NDOR1: variants seen among roughly 807,000 people sequenced by gnomAD.
The protein encoded by NDOR1 is NADPH dependent diflavin oxidoreductase 1.
NDOR1 carries 61 observed loss-of-function variants against 67.2 expected under a neutral mutation model. The observed-to-expected ratio is 0.91, with a 90% confidence interval of 0.74 to 1.12. The LOEUF (loss-of-function observed/expected upper bound fraction) is 1.12. Ranked by LOEUF, NDOR1 falls within the 50% of genes most tolerant of loss-of-function variation. NDOR1 has a pLI of 0.00. For synonymous variants in NDOR1, 378 were observed against 343.7 expected, an observed-to-expected ratio of 1.10 and a Z score of -1.10; for missense variants, 878 against 802.8, an observed-to-expected ratio of 1.09 and a Z score of -1.13.
rs975959019 is a variant in NDOR1, at chr9:137,217,931, G to A, written c.*1515G>A. 7.5e-6 allele frequency: 3 copies of A among 398,540 alleles called. No individual in the cohort carries two copies. In the South Asian group the frequency reaches 3.8e-4, roughly 51 times the overall value. 24.7% of individuals were successfully genotyped at this position (398,540 alleles called of 1,614,324 possible). On this transcript the variant is annotated 3_prime_UTR_variant, in exon 14 of 14. Coordinates refer to ENST00000684003, the MANE Select transcript of NDOR1 (RefSeq NM_014434.4). Reference sequence around the variant, plus strand: ...GTGCCAAGCACCAGCAAGCAAAGGGGATGACCTTGGGCACCCCCAAGGTGC... The same window carrying A: ...GTGCCAAGCACCAGCAAGCAAAGGGAATGACCTTGGGCACCCCCAAGGTGC...
chr9:137,207,008 T>G (rs111623168), intron 2 of NDOR1, among the ~76,000 whole-genome samples: 137 of 151,462 alleles, frequency 9.0e-4, no homozygotes, highest in African/African-American at 3.1e-3. Flanking sequence ...AGCTGAGGAG[T>G]ACACTGGGGC....
chr9:137,213,788 T>G lies in NDOR1; in HGVS notation c.320T>G (p.Phe107Cys), dbSNP rs1303778939. The change falls in exon 4 of 14, where the codon TTC (phenylalanine) becomes TGC (cysteine). Residue 107 changes from phenylalanine to cysteine, a missense_variant. Phe to Cys is a radical substitution (Grantham distance 205, BLOSUM62 -2). Coordinates refer to ENST00000684003, the MANE Select transcript of NDOR1 (RefSeq NM_014434.4). ...LGDSSYAKFN[F>C]VAKKLHRRLL... ...CCTCACTGTCTCCACAGGTTCAACT[T>G]CGTGGCCAAGAAGCTGCACCGACGG... 1.2e-6 allele frequency: 2 copies of G among 1,612,448 alleles called. No homozygotes were observed. Among genetic ancestry groups the G allele is most frequent in the Non-Finnish European group, 1.7e-6 (2 of 1,179,556 alleles).
In NDOR1 at chr9:137,215,415, C is replaced by G. The variant is rs201888725; in HGVS notation, c.1182C>G (p.Pro394=). The G allele has an allele frequency of 8.1e-6, 13 of 1,613,416 alleles. No individual in the cohort carries two copies. The highest frequency in any genetic ancestry group is 5.0e-5 in the Admixed American group (3 of 60,004). ...FSIASSLLTH[P]SRLQILVAVV... ...CCCGCCGTCCTCCCCAGACTCACCC[C>G]TCACGGCTGCAGATCCTCGTGGCTG... Residue 394 remains proline, a synonymous_variant, in exon 10 of 14, where the codon CCC becomes CCG. Transcript: ENST00000684003.
intron 3 of NDOR1, among the ~76,000 whole-genome samples, chr9:137,213,371 C>A (rs975999602): frequency 6.6e-6 from 1 of 152,162 alleles, no homozygotes; most frequent in African/African-American, 2.4e-5. Flanking sequence ...GAGAAACTGA[C>A]CCCCGGGAAG....
At chr9:137,211,740 C>G (rs1373495814) in intron 2 of NDOR1, among the ~76,000 whole-genome samples, 1 of 152,086 alleles carries the variant, frequency 6.6e-6, no homozygotes, top group African/African-American at 2.4e-5. Flanking sequence ...AGGGTCAGAG[C>G]TGTGGGCTGA....
intron 2 of NDOR1, among the ~76,000 whole-genome samples, chr9:137,211,815 C>T (rs1005283826): frequency 2.0e-5 from 3 of 150,642 alleles, no homozygotes; most frequent in South Asian, 4.2e-4. Flanking sequence ...GGTGGGTGGG[C>T]GGCGAAGACC....
Position 137,214,692 on chromosome 9 carries a change from G to A in NDOR1, c.844+1G>A, listed in dbSNP as rs1685498307. ...TTCATGCTGCAGCCGCGGGAGCCAG[G>A]TGAGCCCAGCCTCGGCCACCCTGAC... On this transcript the variant is annotated splice_donor_variant, in intron 7 of 13. Transcript: ENST00000684003. LOFTEE classifies it high-confidence loss of function. 1 of 1,602,476 alleles carries A rather than the reference G, an allele frequency of 6.2e-7. No homozygotes were observed. The highest frequency in any genetic ancestry group is 8.5e-7 in the Non-Finnish European group (1 of 1,179,750).
At position 137,213,866 on chromosome 9, in the gene NDOR1, A is replaced by T. The variant is rs771101405; in HGVS notation, c.398A>T (p.Gln133Leu). Reference sequence around the variant, plus strand: ...CTGCCCGTGTGCCTGGGCGATGACCAGCATGAGCTGGGGTGAGTCTGCGGG... The same window carrying T: ...CTGCCCGTGTGCCTGGGCGATGACCTGCATGAGCTGGGGTGAGTCTGCGGG... ...ALLPVCLGDDQHELGPDAAVD... is the reference protein window; with the variant it reads ...ALLPVCLGDDLHELGPDAAVD... The change falls in exon 4 of 14, where the codon CAG becomes CTG. Residue 133 changes from glutamine to leucine, a missense_variant. Coordinates refer to ENST00000684003, the MANE Select transcript of NDOR1 (RefSeq NM_014434.4). 6.1e-5 allele frequency: 99 copies of T among 1,610,456 alleles called. No individual in the cohort carries two copies. Among genetic ancestry groups the T allele is most frequent in the Non-Finnish European group, 7.9e-5 (93 of 1,178,978 alleles).
In NDOR1 at chr9:137,219,120, A is replaced by T. The variant is rs916299929; in HGVS notation, c.*2704A>T. On this transcript the variant is annotated 3_prime_UTR_variant, in exon 14 of 14. Coordinates refer to ENST00000684003, the MANE Select transcript of NDOR1 (RefSeq NM_014434.4). ...GTCAGGCCAGCCGGGGGAGGGGTCCATGCTGCGAAAATTCAGCCTGCAAAG... is the reference window on the plus strand; with the variant it reads ...GTCAGGCCAGCCGGGGGAGGGGTCCTTGCTGCGAAAATTCAGCCTGCAAAG... The T allele has an allele frequency of 6.5e-6, 1 of 153,294 alleles. No individual in the cohort carries two copies. Among genetic ancestry groups the T allele is most frequent in the Non-Finnish European group, 1.5e-5 (1 of 68,804 alleles). The allele number at this position is 153,294 out of a possible 1,614,324, so 9.5% of individuals were successfully genotyped here. A position where few individuals can be genotyped will look rare whatever the true frequency, so the allele number is the denominator to read the frequency against.
intron 3 of NDOR1, among the ~76,000 whole-genome samples, chr9:137,213,310 C>T (rs1442848037): frequency 6.6e-6 from 1 of 152,160 alleles, no homozygotes; most frequent in African/African-American, 2.4e-5. Flanking sequence ...ACAGCGTTCC[C>T]AGGGAGGAGC....
rs1019263665 is a variant in NDOR1 at position 137,213,870 on chromosome 9, T to C, written c.402T>C (p.His134=). 1 of 1,609,226 alleles carries C rather than the reference T, an allele frequency of 6.2e-7. No individual in the cohort carries two copies. Among genetic ancestry groups the C allele is most frequent in the Non-Finnish European group, 8.5e-7 (1 of 1,178,286 alleles). Residue 134 remains histidine, a synonymous_variant, in exon 4 of 14, where the codon CAT becomes CAC. Transcript: ENST00000684003. The part of the protein sequence containing the change: ...LLPVCLGDDQ[H]ELGPDAAVDP... ...CCGTGTGCCTGGGCGATGACCAGCA[T>C]GAGCTGGGGTGAGTCTGCGGGCGTG...
At chr9:137,210,523 T>A (rs1345680766) in intron 2 of NDOR1, among the ~76,000 whole-genome samples, 1 of 152,064 alleles carries the variant, frequency 6.6e-6, no homozygotes, top group Non-Finnish European at 1.5e-5. Context: ...AATAGTTCTT[T>A]AAATGGACAT....
rs751797325 is a variant in NDOR1 at position 137,216,438 on chromosome 9, C to T, written c.*22C>T. 3.8e-5 allele frequency: 61 copies of T among 1,585,456 alleles called. No individual in the cohort carries two copies. Among genetic ancestry groups the T allele is most frequent in the Middle Eastern group, 1.8e-4 (1 of 5,620 alleles). On this transcript the variant is annotated 3_prime_UTR_variant, in exon 14 of 14. Coordinates refer to ENST00000684003, the MANE Select transcript of NDOR1 (RefSeq NM_014434.4). ...CTGAGGCCCGCGGCTGCCCGTGCCC[C>T]CTCTGACAGCCATCCTCCTGGGAGC...
intron 2 of NDOR1, among the ~76,000 whole-genome samples, chr9:137,211,909 G>A (rs34499319): frequency 0.034 from 5,217 of 152,214 alleles, 121 homozygotes; most frequent in Non-Finnish European, 0.052. Context: ...GGAGGACACC[G>A]TGGAAGGCAC....
Position 137,214,616 on chromosome 9 carries a change from GC to G in NDOR1, c.772del (p.His258MetfsTer134). The G allele has an allele frequency of 6.2e-7, 1 of 1,610,536 alleles. No individual in the cohort carries two copies. Reference protein sequence around the residue: ...VVLIQPSNSAAHVQRFCQVLG... With the variant: ...VVLIQPSNSAXHVQRFCQVLG... ...GCTGATTCAGCCCTCCAACTCGGCT[GC>G]CCATGTCCAGCGGTTCTGCCAGGTG... On this transcript the variant is annotated frameshift_variant, in exon 7 of 14. Transcript: ENST00000684003. LOFTEE classifies it high-confidence loss of function.
intron 1 of NDOR1, 119 bp downstream of exon 1, chr9:137,206,031 G>A (rs1043444996): frequency 6.1e-6 from 9 of 1,482,674 alleles, no homozygotes; most frequent in Non-Finnish European, 8.1e-6. Flanking sequence ...CCCTTATGGC[G>A]GATTTAGGGA....
At position 137,205,797 on chromosome 9, in the gene NDOR1, T is replaced by C; in HGVS notation, c.20T>C (p.Leu7Pro). The part of the protein sequence containing the change: MPSPQL[L>P]VLFGSQTGTA... Reference sequence around the variant, plus strand: ...ACCCCGATGCCGAGCCCGCAGCTTCTGGTGCTCTTCGGCAGCCAGACAGGC... The same window carrying C: ...ACCCCGATGCCGAGCCCGCAGCTTCCGGTGCTCTTCGGCAGCCAGACAGGC... The change falls in exon 1 of 14, where the codon CTG becomes CCG. Residue 7 changes from leucine (L) to proline (P), a missense_variant. Physicochemically the swap from Leu to Pro is moderately conservative, Grantham distance 98. Transcript: ENST00000684003. 5.6e-6 allele frequency: 9 copies of C among 1,604,966 alleles called. No homozygotes were observed. Among genetic ancestry groups the C allele is most frequent in the Non-Finnish European group, 7.6e-6 (9 of 1,179,674 alleles).
intron 2 of NDOR1, among the ~76,000 whole-genome samples, chr9:137,206,675 TC>T (rs1168767025): frequency 9.2e-5 from 14 of 152,190 alleles, no homozygotes; most frequent in Non-Finnish European, 1.6e-4. Context: ...GTGCTGGGGA[TC>T]CAGCTGTGAA....
In NDOR1 at chr9:137,216,374, G is replaced by C; in HGVS notation, c.1752G>C (p.Arg584Ser). ...CGGACGCAGCCGCGTATCTAGCCAGGCTCCAGCAGACACGGCGCTTCCAGA... is the reference window on the plus strand; with the variant it reads ...CGGACGCAGCCGCGTATCTAGCCAGCCTCCAGCAGACACGGCGCTTCCAGA... ...CSPDAAAYLA[R>S]LQQTRRFQTE... The change falls in exon 14 of 14, where the codon AGG (arginine) becomes AGC (serine). Residue 584 changes from arginine (R) to serine (S), a missense_variant. Transcript: ENST00000684003. 1 of 1,607,690 alleles carries C rather than the reference G, an allele frequency of 6.2e-7. No individual in the cohort carries two copies. The highest frequency in any genetic ancestry group is 8.5e-7 in the Non-Finnish European group (1 of 1,179,886).
Sources: allele counts gnomAD v4.1 joint callset (sites outside exome capture counted in the v4.1 genomes callset), GRCh38; gene constraint gnomAD v4.1.1; transcripts MANE v1.5; gene names NCBI Gene and HGNC (gene_info 2026-07-23, HGNC 2026-07-21).